Variants in GRM7 observed in about 807,000 individuals in gnomAD.
The protein encoded by GRM7 is glutamate metabotropic receptor 7.
GRM7 carries 35 observed loss-of-function variants against 84.5 expected under a neutral mutation model. The observed-to-expected ratio is 0.41, with a 90% CI of 0.32 to 0.55. GRM7 has a LOEUF of 0.55. GRM7 is among the 20% of genes least tolerant of loss of function. The pLI, the probability that GRM7 is intolerant of heterozygous loss-of-function variation, is 0.19. For missense variants in GRM7, 1,003 were observed against 1,194.6 expected (o/e 0.84, Z 2.36); for synonymous variants, 487 against 455.1 (o/e 1.07, Z -0.89).
chr3:7,004,855 A>G (rs544313088), intron 1 of GRM7, among the ~76,000 whole-genome samples: 3 of 152,304 alleles, frequency 2.0e-5, no homozygotes, highest in African/African-American at 4.8e-5. Context: ...ATGACTCCAA[A>G]AAAGCACATC....
chr3:7,146,168 C>T (rs1694104735), intron 1 of GRM7, among the ~76,000 whole-genome samples: 6 of 152,122 alleles, frequency 3.9e-5, no homozygotes, highest in Admixed American at 3.9e-4. Flanking sequence ...AAATCTTTTT[C>T]TTCTAAACAA....
At chr3:7,552,821 G>A (rs937502055) in intron 7 of GRM7, among the ~76,000 whole-genome samples, 3 of 152,218 alleles carry the variant, frequency 2.0e-5, no homozygotes, top group Non-Finnish European at 2.9e-5. Flanking sequence ...AGAAGTTGCT[G>A]TGAAGACCTC....
At chr3:7,469,050 G>A (rs577117771) in intron 7 of GRM7, among the ~76,000 whole-genome samples, 34 of 152,324 alleles carry the variant, frequency 2.2e-4, no homozygotes, top group East Asian at 7.7e-4. Context: ...AGCACCAAGC[G>A]TAGTGCTGAG....
rs182125210 is a variant in GRM7 at position 6,904,995 on chromosome 3, A to G, written c.519+43088A>G. Among the ~76,000 whole-genome samples the G allele has an allele frequency of 7.1e-4, 108 of 152,250 alleles. 1 individual carries two copies. Among genetic ancestry groups the G allele is most frequent in the African/African-American group, 2.6e-3 (107 of 41,554 alleles). ...CGGCTGCCCAAATCGCTGGGATTAG[A>G]GGCACAAGCTATCACACTTGGCTCC... On this transcript the variant is annotated intron_variant, in intron 1 of 9. Transcript: ENST00000357716.
intron 8 of GRM7, among the ~76,000 whole-genome samples, chr3:7,619,954 C>T (rs1274594900): frequency 1.3e-5 from 2 of 152,104 alleles, no homozygotes; most frequent in Non-Finnish European, 2.9e-5. Context: ...TCTGCCTTTG[C>T]CTTATTTTAG....
At chr3:7,615,304 C>T (rs559752110) in intron 8 of GRM7, among the ~76,000 whole-genome samples, 131 of 151,640 alleles carry the variant, frequency 8.6e-4, no homozygotes, top group South Asian at 2.1e-3. Flanking sequence ...AATATTACTT[C>T]TCCATTCCCA....
intron 5 of GRM7, among the ~76,000 whole-genome samples, chr3:7,427,459 G>C (rs1033966417): frequency 2.6e-5 from 4 of 152,118 alleles, no homozygotes; most frequent in African/African-American, 9.7e-5. Context: ...TGCTTACTGG[G>C]TACTTTCTTA....
At chr3:7,238,554 C>G (rs1697427963) in intron 2 of GRM7, among the ~76,000 whole-genome samples, 1 of 151,830 alleles carries the variant, frequency 6.6e-6, no homozygotes. Context: ...AGGACCTTTT[C>G]TCCTTTCAAG....
chr3:7,195,901 G>T (rs1043242756), intron 2 of GRM7, among the ~76,000 whole-genome samples: 1 of 152,126 alleles, frequency 6.6e-6, no homozygotes, highest in African/African-American at 2.4e-5. Flanking sequence ...AAGGTCTGTT[G>T]TGTTAGTCAG....
intron 7 of GRM7, among the ~76,000 whole-genome samples, chr3:7,470,567 A>G (rs182371586): frequency 8.9e-4 from 136 of 152,322 alleles, no homozygotes; most frequent in Admixed American, 1.8e-3. Context: ...TTCCACAAAC[A>G]TGTACATTAG....
chr3:6,878,431 T>C (rs1265200160), intron 1 of GRM7, among the ~76,000 whole-genome samples: 5 of 150,478 alleles, frequency 3.3e-5, no homozygotes, highest in Non-Finnish European at 7.4e-5. Flanking sequence ...TTTTTTCTTC[T>C]GAAGAAACTG....
chr3:7,298,444 A>C, intron 2 of GRM7: 2 of 383,274 alleles, frequency 5.2e-6, no homozygotes, highest in Non-Finnish European at 9.3e-6. Flanking sequence ...ATTGCTGGGA[A>C]TAATTAGATA....
At chr3:7,521,268 C>T (rs1349100287) in intron 7 of GRM7, among the ~76,000 whole-genome samples, 1 of 152,162 alleles carries the variant, frequency 6.6e-6, no homozygotes, top group African/African-American at 2.4e-5. Context: ...TGGTGCATGG[C>T]CAGGTAAAAC....
chr3:7,116,357 C>T (rs967479163), intron 1 of GRM7, among the ~76,000 whole-genome samples: 2 of 152,102 alleles, frequency 1.3e-5, no homozygotes, highest in African/African-American at 4.8e-5. Context: ...GTAGACACTT[C>T]TATTTGCATA....
chr3:7,118,577 T>C (rs141561278), intron 1 of GRM7, among the ~76,000 whole-genome samples: 1 of 150,036 alleles, frequency 6.7e-6, no homozygotes, highest in East Asian at 2.0e-4. Context: ...GTGGTTAATT[T>C]GAAAATTGGA....
chr3:6,991,590 C>A (rs148754346), intron 1 of GRM7, among the ~76,000 whole-genome samples: 23 of 151,996 alleles, frequency 1.5e-4, no homozygotes, highest in African/African-American at 5.6e-4. Flanking sequence ...TGGGTCATAC[C>A]CCACAAGCCA....
intron 9 of GRM7, among the ~76,000 whole-genome samples, chr3:7,705,072 C>G (rs896457021): frequency 2.0e-5 from 3 of 152,078 alleles, no homozygotes; most frequent in Admixed American, 6.5e-5. Flanking sequence ...GTGCCAAGGT[C>G]TAGAGGGTGA....
chr3:7,352,057 C>CACCGCACACACA (rs1277659188), intron 4 of GRM7, among the ~76,000 whole-genome samples: 1 of 136,894 alleles, frequency 7.3e-6, no homozygotes, highest in African/African-American at 2.8e-5. Flanking sequence ...CACACACACA[C>CACCGCACACACA]CACACACACA....
rs761399796 is a variant in GRM7 at position 7,302,931 on chromosome 3, ATTTTTTTT to A, written c.879-3550_879-3543del. 1.9e-3 allele frequency among the ~76,000 whole-genome samples: 226 copies of A among 121,904 alleles called. 1 individual carries two copies. The highest frequency in any genetic ancestry group is 2.7e-3 in the Non-Finnish European group (168 of 62,646). 80.0% of individuals were successfully genotyped at this position (121,904 alleles called of 152,430 possible). A position where few individuals can be genotyped will look rare whatever the true frequency, so the allele number is the denominator to read the frequency against. ...AGAAGTATTAACATTTGATTGTTCT[ATTTTTTTT>A]TTTTTTTTTTTTTTTTGTTGAGACA... On this transcript the variant is annotated intron_variant, in intron 3 of 9. Transcript: ENST00000357716.
Sources: gnomAD v4.1 joint callset for allele counts (sites outside exome capture counted in the v4.1 genomes callset) on GRCh38, gnomAD v4.1.1 for gene constraint, MANE v1.5 for transcripts, NCBI Gene and HGNC (gene_info 2026-07-23, HGNC 2026-07-21) for gene names.